Variants in BRAF observed in about 807,000 individuals in gnomAD.
BRAF encodes serine/threonine-protein kinase B-raf.
BRAF carries 16 observed loss-of-function variants against 104.6 expected under a neutral mutation model. The observed-to-expected ratio is 0.15, with a 90% CI of 0.10 to 0.23. BRAF has a LOEUF of 0.23. BRAF is among the 10% of genes least tolerant of loss of function. BRAF has a pLI of 1.00. For synonymous variants in BRAF, 310 were observed against 341.6 expected (o/e 0.91, Z 1.02); for missense variants, 541 against 937.3 (o/e 0.58, Z 5.52).
chr7:140,807,116 G>T (rs1340096075), intron 5 of BRAF, among the ~76,000 whole-genome samples: 1 of 152,136 alleles, frequency 6.6e-6, no homozygotes, highest in Non-Finnish European at 1.5e-5. Context: ...AAGGTGGAAA[G>T]GTCCCACATT....
At chr7:140,923,060 G>C (rs10262114) in intron 1 of BRAF, among the ~76,000 whole-genome samples, 3 of 152,060 alleles carry the variant, frequency 2.0e-5, no homozygotes, top group Admixed American at 2.0e-4. Context: ...TTTTAGAACA[G>C]ATCAAATGAT....
chr7:140,825,307 T>C (rs1284157601), intron 3 of BRAF, among the ~76,000 whole-genome samples: 2 of 152,198 alleles, frequency 1.3e-5, no homozygotes, highest in Non-Finnish European at 2.9e-5. Context: ...GTTCTTTATA[T>C]ATTCTACATG....
chr7:140,890,251 A>G (rs1246334913), intron 1 of BRAF, among the ~76,000 whole-genome samples: 2 of 152,236 alleles, frequency 1.3e-5, no homozygotes, highest in East Asian at 3.8e-4. Context: ...TATCCAGTTC[A>G]TTATTTTTAA....
intron 1 of BRAF, among the ~76,000 whole-genome samples, chr7:140,861,913 G>A (rs1204718768): frequency 6.6e-6 from 1 of 152,160 alleles, no homozygotes; most frequent in Non-Finnish European, 1.5e-5. Flanking sequence ...TACTAAGTAA[G>A]TAAGCTAGCT....
chr7:140,801,262 A>C (rs1307371209), intron 6 of BRAF, 150 bp downstream of exon 6: 1 of 767,452 alleles, frequency 1.3e-6, no homozygotes, highest in Non-Finnish European at 2.1e-6. Flanking sequence ...TCCATTCCAC[A>C]TATTATTCTC....
chr7:140,810,423 AGCCGGGCAGAGCGGCGGGC>A (rs1804129592), intron 3 of BRAF, among the ~76,000 whole-genome samples: 1 of 152,098 alleles, frequency 6.6e-6, no homozygotes, highest in Non-Finnish European at 1.5e-5. Context: ...CACAAAAAGT[AGCCGGGCAGAGCGGCGGGC>A]GCCTATAATC....
At chr7:140,779,612 A>T (rs1586132646) in intron 12 of BRAF, among the ~76,000 whole-genome samples, 1 of 152,162 alleles carries the variant, frequency 6.6e-6, no homozygotes, top group East Asian at 1.9e-4. Flanking sequence ...ATTTTGGAGC[A>T]TTTCGGGTTT....
rs536809482 is a variant in BRAF, at chr7:140,839,144, T to C, written c.241-4272A>G. Among the ~76,000 whole-genome samples, 16 of 152,088 alleles carry C rather than the reference T, an allele frequency of 1.1e-4. No homozygotes were observed. In the South Asian group the frequency reaches 1.5e-3, roughly 14 times the overall value. Reference sequence around the variant, plus strand: ...AACTGAATATCCACACACAGAAGAATGAAGTTGGGCTACTACCTCACAACA... The same window carrying C: ...AACTGAATATCCACACACAGAAGAACGAAGTTGGGCTACTACCTCACAACA... On this transcript the variant is annotated intron_variant, in intron 2 of 19. Transcript: ENST00000644969.
chr7:140,842,036 G>T (rs1357485921), intron 2 of BRAF, among the ~76,000 whole-genome samples: 1 of 152,092 alleles, frequency 6.6e-6, no homozygotes, highest in African/African-American at 2.4e-5. Flanking sequence ...GCCCATAAAT[G>T]ATATATAATG....
chr7:140,903,732 T>C (rs577076429), intron 1 of BRAF, among the ~76,000 whole-genome samples: 6 of 152,220 alleles, frequency 3.9e-5, no homozygotes, highest in African/African-American at 1.2e-4. Flanking sequence ...TAAAGAACAT[T>C]TGTAATTCAT....
rs1445907871 is a variant in BRAF at position 140,721,693 on chromosome 7, C to G, written c.*4801G>C. The G allele has an allele frequency of 6.5e-7, 1 of 1,533,518 alleles. No individual in the cohort carries two copies. Among genetic ancestry groups the G allele is most frequent in the Non-Finnish European group, 8.7e-7 (1 of 1,145,790 alleles). 95.0% of individuals were successfully genotyped at this position (1,533,518 alleles called of 1,614,324 possible). On this transcript the variant is annotated 3_prime_UTR_variant, in exon 20 of 20. Transcript: ENST00000644969. ...GCATCAGTAATCCATCCCAGTATAA[C>G]ATTTCAAGGATGTGCTGGAGACAAT...
intron 1 of BRAF, among the ~76,000 whole-genome samples, chr7:140,854,940 C>T (rs920294217): frequency 6.6e-6 from 1 of 151,544 alleles, no homozygotes; most frequent in East Asian, 1.9e-4. Flanking sequence ...AGCAAGACTT[C>T]GTCTCAAAAA....
chr7:140,753,193 A>G lies in BRAF; in HGVS notation c.1980+82T>C, dbSNP rs1797921977. The stretch of plus-strand genomic sequence containing the variant: ...GGGAACTATGAAAATACTATAGTTG[A>G]GACCTTCAATGACTTTCTAGTAACT... On this transcript the variant is annotated intron_variant, in intron 16 of 19. Coordinates refer to ENST00000644969, the MANE Select transcript of BRAF (RefSeq NM_001374258.1). 3 of 952,052 alleles carry G rather than the reference A, an allele frequency of 3.2e-6. No individual in the cohort carries two copies. In the Admixed American group the frequency reaches 5.1e-5, roughly 16 times the overall value. The allele number at this position is 952,052 out of a possible 1,614,324, so 59.0% of individuals were successfully genotyped here.
chr7:140,832,937 G>A (rs1806934474), intron 3 of BRAF, among the ~76,000 whole-genome samples: 1 of 149,786 alleles, frequency 6.7e-6, no homozygotes, highest in African/African-American at 2.5e-5. Context: ...GCAGTGGCGC[G>A]ATCTCGGCTC....
chr7:140,747,459 A>C, intron 17 of BRAF: 2 of 1,273,328 alleles, frequency 1.6e-6, no homozygotes, highest in Non-Finnish European at 2.1e-6. Context: ...TAAAATGCCA[A>C]GAAGTGGATG....
chr7:140,742,577 C>T (rs1040238267), intron 17 of BRAF, among the ~76,000 whole-genome samples: 1 of 152,210 alleles, frequency 6.6e-6, no homozygotes, highest in Non-Finnish European at 1.5e-5. Context: ...GCCAGAGAAC[C>T]ACTCAAGTGG....
intron 3 of BRAF, among the ~76,000 whole-genome samples, chr7:140,818,424 C>A (rs574075351): frequency 1.3e-5 from 2 of 151,574 alleles, no homozygotes; most frequent in Non-Finnish European, 2.9e-5. Context: ...GCAATTCTCC[C>A]GCCTCAGCCT....
chr7:140,890,491 ATTTT>A, intron 1 of BRAF, among the ~76,000 whole-genome samples: 1 of 150,630 alleles, frequency 6.6e-6, no homozygotes, highest in South Asian at 2.1e-4. Flanking sequence ...CTCCATCTAG[ATTTT>A]TTTTTTCTAA....
intron 5 of BRAF, among the ~76,000 whole-genome samples, chr7:140,807,472 T>TA (rs139960011): frequency 0.028 from 4,177 of 150,378 alleles, 90 homozygotes; most frequent in Non-Finnish European, 0.041. Context: ...CCTGTTGAAT[T>TA]AAAAAAAAAT....
Sources: allele counts gnomAD v4.1 joint callset (sites outside exome capture counted in the v4.1 genomes callset), GRCh38; gene constraint gnomAD v4.1.1; transcripts MANE v1.5; gene names NCBI Gene and HGNC (gene_info 2026-07-23, HGNC 2026-07-21).